Variants in AGBL1 observed in about 807,000 individuals in gnomAD.
AGBL1 encodes AGBL carboxypeptidase 1, also known as cytosolic carboxypeptidase 4.
In AGBL1, 130 loss-of-function variants were observed where a neutral mutation model predicts 118.9. The observed-to-expected ratio is 1.09, with a 90% CI of 0.95 to 1.26. The LOEUF is 1.26. Ranked by LOEUF, AGBL1 falls within the 50% of genes most tolerant of loss-of-function variation. The pLI is 0.00. For missense variants in AGBL1, 1,584 were observed against 1,298.1 expected (o/e 1.22, Z -3.38); for synonymous variants, 555 against 478.9 (o/e 1.16, Z -2.08).
chr15:86,625,132 G>T (rs1435754759), intron 21 of AGBL1, among the ~76,000 whole-genome samples: 2 of 152,138 alleles, frequency 1.3e-5, no homozygotes, highest in African/African-American at 4.8e-5. Context: ...AGAAGGACCA[G>T]GCAGGGGGTC....
chr15:86,764,449 T>G (rs2078068316), intron 22 of AGBL1, among the ~76,000 whole-genome samples: 1 of 152,038 alleles, frequency 6.6e-6, no homozygotes, highest in East Asian at 1.9e-4. Context: ...TAATGCTCTG[T>G]GTGGGTGGAT....
chr15:86,211,079 G>A (rs948324240), intron 5 of AGBL1, among the ~76,000 whole-genome samples: 11 of 152,172 alleles, frequency 7.2e-5, no homozygotes, highest in African/African-American at 2.4e-4. Context: ...AGGTCCCTAA[G>A]CTTCAGGTCT....
At chr15:86,417,160 C>G (rs1444769326) in intron 18 of AGBL1, among the ~76,000 whole-genome samples, 1 of 152,220 alleles carries the variant, frequency 6.6e-6, no homozygotes, top group Non-Finnish European at 1.5e-5. Context: ...CTTATTTCCT[C>G]TCATGTGAAC....
chr15:86,157,615 T>C (rs12901510), intron 4 of AGBL1, among the ~76,000 whole-genome samples: 32,499 of 152,132 alleles, frequency 0.21, 3,838 homozygotes, highest in Non-Finnish European at 0.26. Context: ...AAAATTATAC[T>C]GTCACTCTCC....
chr15:86,749,675 G>A (rs1049042801), intron 22 of AGBL1, among the ~76,000 whole-genome samples: 1 of 152,098 alleles, frequency 6.6e-6, no homozygotes, highest in Non-Finnish European at 1.5e-5. Flanking sequence ...ATTATTTTGA[G>A]ATACATCCAT....
chr15:86,674,499 A>G (rs1482625961), intron 22 of AGBL1, 63 bp downstream of exon 22: 2 of 1,499,478 alleles, frequency 1.3e-6, no homozygotes, highest in African/African-American at 2.8e-5. Flanking sequence ...TCAATATCTC[A>G]GTAATGAAAG....
intron 15 of AGBL1, among the ~76,000 whole-genome samples, chr15:86,274,336 C>T (rs181549996): frequency 1.1e-3 from 170 of 151,756 alleles, no homozygotes; most frequent in African/African-American, 3.9e-3. Flanking sequence ...TGAGAATTAC[C>T]GAGAAAGACC....
At chr15:86,318,502 T>C (rs77540421) in intron 17 of AGBL1, among the ~76,000 whole-genome samples, 3 of 152,070 alleles carry the variant, frequency 2.0e-5, no homozygotes, top group East Asian at 1.9e-4. Context: ...TTTTTTTTTT[T>C]CCCATTCATC....
chr15:86,917,095 C>T (rs1179617163), downstream of AGBL1, among the ~76,000 whole-genome samples: 1 of 152,180 alleles, frequency 6.6e-6, no homozygotes, highest in Non-Finnish European at 1.5e-5. This position sits in a 1 kb window ranked among gnomAD's most constrained non-coding sequence, Gnocchi z 4.8. Context: ...GTTTGGCCTG[C>T]TAGGTGCTGC....
At chr15:86,219,940 T>TGCC (rs2078252185) in intron 5 of AGBL1, among the ~76,000 whole-genome samples, 1 of 141,084 alleles carries the variant, frequency 7.1e-6, no homozygotes, top group Non-Finnish European at 1.5e-5. Flanking sequence ...TAGCTAATGC[T>TGCC]GCCTCTTTTT....
chr15:86,247,431 T>C (rs907518131), intron 6 of AGBL1, among the ~76,000 whole-genome samples: 2 of 152,208 alleles, frequency 1.3e-5, no homozygotes, highest in Non-Finnish European at 2.9e-5. Flanking sequence ...AGGAACACTA[T>C]AGAAGTGATG....
At chr15:86,379,306 A>G (rs112702831) in intron 17 of AGBL1, among the ~76,000 whole-genome samples, 4,936 of 152,284 alleles carry the variant, frequency 0.032, 134 homozygotes, top group Middle Eastern at 0.075. Context: ...ATGGAACAGA[A>G]TATGATAATA....
intron 22 of AGBL1, among the ~76,000 whole-genome samples, chr15:86,791,544 C>T (rs1051192186): frequency 3.3e-5 from 5 of 152,072 alleles, no homozygotes; most frequent in African/African-American, 1.2e-4. Flanking sequence ...TCAGCTGGAA[C>T]TCAGACACAG....
intron 17 of AGBL1, among the ~76,000 whole-genome samples, chr15:86,367,161 T>C (rs368793422): frequency 3.9e-4 from 60 of 152,338 alleles, no homozygotes; most frequent in African/African-American, 1.4e-3. Flanking sequence ...TAGAAAAATC[T>C]ATGGGCTCAT....
At chr15:86,618,995 A>G (rs1253066619) in intron 21 of AGBL1, among the ~76,000 whole-genome samples, 1 of 152,128 alleles carries the variant, frequency 6.6e-6, no homozygotes, top group East Asian at 1.9e-4. Context: ...AGGTTCTAAA[A>G]GATTTTTAAA....
intron 17 of AGBL1, among the ~76,000 whole-genome samples, chr15:86,364,780 G>T (rs1366196061): frequency 1.3e-5 from 2 of 151,468 alleles, no homozygotes; most frequent in Non-Finnish European, 2.9e-5. Flanking sequence ...ACTTAGAAAA[G>T]CACCTTACCT....
chr15:86,167,445 C>T (rs1396458957), intron 5 of AGBL1, among the ~76,000 whole-genome samples: 1 of 152,098 alleles, frequency 6.6e-6, no homozygotes, highest in Non-Finnish European at 1.5e-5. Flanking sequence ...GGGGTTTCAC[C>T]ATGTTGGCCA....
At chr15:86,087,626 CG>C (rs1454806926) in intron 1 of AGBL1, among the ~76,000 whole-genome samples, 1 of 152,068 alleles carries the variant, frequency 6.6e-6, no homozygotes, top group African/African-American at 2.4e-5. Context: ...CACTGCACCC[CG>C]CCCTCATTTA....
chr15:86,902,313 G>A (rs2080221960), intron 22 of AGBL1, among the ~76,000 whole-genome samples: 1 of 152,012 alleles, frequency 6.6e-6, no homozygotes, highest in African/African-American at 2.4e-5. Flanking sequence ...TTATAGGTGG[G>A]CAGTGATATC....
Sources: gnomAD v4.1 joint callset for allele counts (sites outside exome capture counted in the v4.1 genomes callset) on GRCh38, gnomAD v4.1.1 for gene constraint, Gnocchi (gnomAD v3.1) non-coding constraint, MANE v1.5 for transcripts, NCBI Gene and HGNC (gene_info 2026-07-23, HGNC 2026-07-21) for gene names.